Variants in HERC1 observed in about 807,000 individuals in gnomAD.
HERC1 encodes the protein HECT and RLD domain containing E3 ubiquitin protein ligase family member 1.
A neutral mutation model predicts 554.3 loss-of-function variants in HERC1; 160 were observed. That is an observed-to-expected ratio of 0.29 (90% CI 0.25 to 0.33). The LOEUF (loss-of-function observed/expected upper bound fraction) is 0.33, where lower values mean the gene tolerates loss of function less well. Among genes scored for constraint, HERC1 ranks in the 10% least tolerant of loss-of-function variants. The pLI is 1.00. For synonymous variants in HERC1, 2,175 were observed against 2,131.7 expected (o/e 1.02, Z -0.56); for missense variants, 4,919 against 5,918.5 (o/e 0.83, Z 5.54).
rs564919570 is a variant in HERC1 at position 63,664,632 on chromosome 15, A to G, written c.8556-38T>C. 1.9e-6 allele frequency: 3 copies of G among 1,593,562 alleles called. No homozygotes were observed. The South Asian group carries it at 3.4e-5, about 18-fold the overall frequency. On this transcript the variant is annotated intron_variant, in intron 42 of 77. Transcript: ENST00000443617. ...GTGAGAAAGCAACACAAAGTTTTTGAAACCATTATGGAAAGAAAGCATAGG... is the reference window on the plus strand; with the variant it reads ...GTGAGAAAGCAACACAAAGTTTTTGGAACCATTATGGAAAGAAAGCATAGG...
At chr15:63,815,417 C>T (rs1271889027) in intron 1 of HERC1, among the ~76,000 whole-genome samples, 1 of 152,134 alleles carries the variant, frequency 6.6e-6, no homozygotes, top group Non-Finnish European at 1.5e-5. Context: ...CCTCAGTTTC[C>T]TCATCTATAA....
rs1179061887 is a variant in HERC1 at position 63,666,050 on chromosome 15, G to A, written c.8424C>T (p.Ser2808=). Residue 2808 remains serine, a synonymous_variant, in exon 42 of 78, where the codon AGC becomes AGT. Transcript: ENST00000443617. The part of the protein sequence containing the change: ...HEDEEEPQSG[S]TADSRPGAAV... ...CTGCTCCAGGCCTAGAGTCTGCTGT[G>A]CTGCCCGACTGGGGCTCCTCTTCAT... is the stretch of plus-strand genomic sequence containing the variant. The A allele has an allele frequency of 2.5e-6, 4 of 1,614,006 alleles. No individual in the cohort carries two copies. The highest frequency in any genetic ancestry group is 2.5e-6 in the Non-Finnish European group (3 of 1,179,878).
chr15:63,784,895 G>A (rs1282782880), intron 1 of HERC1, among the ~76,000 whole-genome samples: 2 of 152,210 alleles, frequency 1.3e-5, no homozygotes, highest in Non-Finnish European at 1.5e-5. Flanking sequence ...ACAGGCGTGA[G>A]CCTCTGCCCC....
intron 32 of HERC1, among the ~76,000 whole-genome samples, chr15:63,690,192 T>G (rs2072028294): frequency 6.7e-6 from 1 of 149,482 alleles, no homozygotes; most frequent in Admixed American, 6.6e-5. Context: ...AAAAGAAATA[T>G]TAACCTATTA....
chr15:63,773,935 G>T (rs772869425), intron 2 of HERC1, among the ~76,000 whole-genome samples: 1 of 152,060 alleles, frequency 6.6e-6, no homozygotes, highest in Admixed American at 6.6e-5. Context: ...ATTATACTAC[G>T]CTATTTTATT....
At chr15:63,638,830 C>G in intron 61 of HERC1, 54 bp from the exon 62 acceptor site, 1 of 1,226,224 alleles carries the variant, frequency 8.2e-7, no homozygotes, top group Non-Finnish European at 1.2e-6. Context: ...GATGCACCTG[C>G]TCTTAACCAC....
chr15:63,657,360 C>T (rs967845155), intron 48 of HERC1, among the ~76,000 whole-genome samples: 1 of 150,752 alleles, frequency 6.6e-6, no homozygotes, highest in African/African-American at 2.4e-5. Flanking sequence ...CTCCCAATCA[C>T]ACTGGATTTT....
At chr15:63,832,595 T>C (rs948235762) in intron 1 of HERC1, among the ~76,000 whole-genome samples, 2 of 152,166 alleles carry the variant, frequency 1.3e-5, no homozygotes, top group Non-Finnish European at 2.9e-5. Context: ...AAAAATATAA[T>C]ATATACATAG....
At chr15:63,796,759 T>C (rs2076825997) in intron 1 of HERC1, among the ~76,000 whole-genome samples, 1 of 152,216 alleles carries the variant, frequency 6.6e-6, no homozygotes, top group South Asian at 2.1e-4. Context: ...TGAAAGGTTT[T>C]CAGATTGGCA....
intron 44 of HERC1, 75 bp downstream of exon 44, chr15:63,662,909 G>A: frequency 1.8e-6 from 2 of 1,109,776 alleles, no homozygotes; most frequent in Non-Finnish European, 2.7e-6. Context: ...TCTAGGCAAG[G>A]CTGCTGTTAG....
chr15:63,771,893 T>TA (rs541345996), intron 2 of HERC1, among the ~76,000 whole-genome samples: 23 of 149,894 alleles, frequency 1.5e-4, no homozygotes, highest in Middle Eastern at 3.4e-3. Context: ...ATCCAGCAGT[T>TA]AAAAAAAAAA....
At position 63,692,440 on chromosome 15, in the gene HERC1, A is replaced by T. The variant is rs1338094361; in HGVS notation, c.5801T>A (p.Leu1934Gln). The T allele has an allele frequency of 6.2e-7, 1 of 1,611,286 alleles. No individual in the cohort carries two copies. Among genetic ancestry groups the T allele is most frequent in the South Asian group, 1.1e-5 (1 of 90,390 alleles). Reference sequence around the variant, plus strand: ...AGAACATTTCTGAGATGCTATATTTAGAAGCACTTCGGTCCACTTTGGGGA... The same window carrying T: ...AGAACATTTCTGAGATGCTATATTTTGAAGCACTTCGGTCCACTTTGGGGA... ...MASPKWTEVL[L>Q]NIASQKCSSG... is the part of the protein sequence containing the mutation. The change falls in exon 31 of 78, where the codon CTA (leucine) becomes CAA (glutamine). Residue 1934 changes from leucine to glutamine, a missense_variant. Leu to Gln is a moderately radical substitution (Grantham distance 113). Transcript: ENST00000443617. This position sits in a 1 kb window ranked among gnomAD's most constrained non-coding sequence, Gnocchi z 4.7.
At chr15:63,629,604 C>A (rs1255365279) in intron 69 of HERC1, among the ~76,000 whole-genome samples, 1 of 152,196 alleles carries the variant, frequency 6.6e-6, no homozygotes, top group East Asian at 1.9e-4. Flanking sequence ...GGAAGGATCA[C>A]GTCACGGCAC....
intron 19 of HERC1, among the ~76,000 whole-genome samples, chr15:63,719,266 A>C (rs2073703342): frequency 6.6e-6 from 1 of 152,258 alleles, no homozygotes; most frequent in African/African-American, 2.4e-5. Flanking sequence ...AAAGTTTCTG[A>C]TAAGGTTACA....
intron 51 of HERC1, among the ~76,000 whole-genome samples, chr15:63,653,206 C>T (rs2069800868): frequency 6.6e-6 from 1 of 151,954 alleles, no homozygotes; most frequent in Admixed American, 6.6e-5. Flanking sequence ...TGTGGGAGGC[C>T]AAGGCAGGCG....
In HERC1 at chr15:63,649,831, T is replaced by C. The variant is rs2069577423; in HGVS notation, c.10641A>G (p.Pro3547=). 1 of 1,613,372 alleles carries C rather than the reference T, an allele frequency of 6.2e-7. No homozygotes were observed. The highest frequency in any genetic ancestry group is 1.7e-5 in the Admixed American group (1 of 59,978). The change falls in exon 54 of 78, where the codon CCA becomes CCG. Residue 3547 remains proline (P), a synonymous_variant. Transcript: ENST00000443617. ...GPATAWSGES[P]ELLLVGRMDG... ...CCATCCGTCCCACCAACAACAATTC[T>C]GGAGACTCTCCTGACCAGGCTGTAG...
At chr15:63,760,357 C>T (rs2075567188) in intron 3 of HERC1, among the ~76,000 whole-genome samples, 1 of 148,150 alleles carries the variant, frequency 6.7e-6, no homozygotes, top group Non-Finnish European at 1.5e-5. Context: ...AGGTCAAATC[C>T]CATATGAAGT....
chr15:63,624,340 G>A lies in HERC1; in HGVS notation c.13276-13C>T. 1 of 1,570,408 alleles carries A rather than the reference G, an allele frequency of 6.4e-7. No homozygotes were observed. ...GGGATGTGCTGTTCTGTAACAGAAGGTACGGTTATCAGAAATGGTACAATC... is the reference window on the plus strand; with the variant it reads ...GGGATGTGCTGTTCTGTAACAGAAGATACGGTTATCAGAAATGGTACAATC... On this transcript the variant is annotated splice_polypyrimidine_tract_variant and intron_variant, in intron 71 of 77. Transcript: ENST00000443617.
At chr15:63,722,855 G>A (rs1296205677) in intron 19 of HERC1, among the ~76,000 whole-genome samples, 1 of 152,130 alleles carries the variant, frequency 6.6e-6, no homozygotes, top group Non-Finnish European at 1.5e-5. Flanking sequence ...TACTACCTGT[G>A]GTTTCAAGCA....
Sources: allele counts gnomAD v4.1 joint callset (sites outside exome capture counted in the v4.1 genomes callset), GRCh38; gene constraint gnomAD v4.1.1; non-coding constraint Gnocchi (gnomAD v3.1); transcripts MANE v1.5; gene names NCBI Gene and HGNC (gene_info 2026-07-23, HGNC 2026-07-21).